The following EXTL3 variants were observed in gnomAD, a reference collection of about 807,000 sequenced individuals.
The protein encoded by EXTL3 is exostosin like glycosyltransferase 3.
In EXTL3, 27 loss-of-function variants were observed where a neutral mutation model predicts 69.3. The ratio of observed to expected loss-of-function variants is 0.39; its 90% CI spans 0.29 to 0.54. The LOEUF is 0.54. EXTL3 is among the 20% of genes least tolerant of loss of function. The pLI is 0.69. For synonymous variants in EXTL3, 511 were observed against 499.4 expected, an observed-to-expected ratio of 1.02 and a Z score of -0.31; for missense variants, 1,003 against 1,231.8, an observed-to-expected ratio of 0.81 and a Z score of 2.78.
Position 28,680,052 on chromosome 8 carries a change from C to CT in EXTL3, c.-52-33394dup, listed in dbSNP as rs557230863. Among the ~76,000 whole-genome samples the CT allele has an allele frequency of 5.8e-3, 828 of 143,580 alleles. 12 individuals carry two copies. Among genetic ancestry groups the CT allele is most frequent in the African/African-American group, 0.018 (707 of 39,386 alleles). The allele number at this position is 143,580 out of a possible 152,430, so 94.2% of individuals were successfully genotyped here. On this transcript the variant is annotated intron_variant, in intron 1 of 6. Transcript: ENST00000523149. ...AGCAAGCTAGAATTTAATATTTGTG[C>CT]TTTTTTTTTTTCCGGTGTAAGACAA...
intron 5 of EXTL3, chr8:28,742,658 G>C (rs989224608): frequency 3.2e-6 from 1 of 310,406 alleles, no homozygotes; most frequent in Non-Finnish European, 6.2e-6. Context: ...GAGGCAGTGA[G>C]GGATCGTGTG....
At chr8:28,609,989 C>T (rs971018319) in intron 2 of EXTL3, among the ~76,000 whole-genome samples, 11 of 151,200 alleles carry the variant, frequency 7.3e-5, no homozygotes, top group East Asian at 1.9e-4. Flanking sequence ...GGATCACCTG[C>T]GGTCAGGAGT....
At chr8:28,709,240 G>A (rs920360804) in intron 1 of EXTL3, among the ~76,000 whole-genome samples, 1 of 152,202 alleles carries the variant, frequency 6.6e-6, no homozygotes, top group Non-Finnish European at 1.5e-5. Context: ...CCCACTTCAC[G>A]GGATTGCTGT....
At chr8:28,665,486 A>T (rs1290328021) in intron 1 of EXTL3, among the ~76,000 whole-genome samples, 1 of 140,792 alleles carries the variant, frequency 7.1e-6, no homozygotes, top group Non-Finnish European at 1.5e-5. Flanking sequence ...GTCATGGCTC[A>T]CTACAGCCTC....
chr8:28,721,325 A>T (rs532998818), intron 3 of EXTL3, among the ~76,000 whole-genome samples: 17 of 152,320 alleles, frequency 1.1e-4, no homozygotes, highest in African/African-American at 3.8e-4. Flanking sequence ...AGCAGTTTCT[A>T]CGCAGAACTT....
intron 1 of EXTL3, among the ~76,000 whole-genome samples, chr8:28,706,872 T>A (rs1721630940): frequency 6.6e-6 from 1 of 152,190 alleles, no homozygotes; most frequent in Non-Finnish European, 1.5e-5. Flanking sequence ...ATAGAATCAT[T>A]TGATTCTTAT....
chr8:28,648,946 T>C (rs1251086697), intron 1 of EXTL3, among the ~76,000 whole-genome samples: 1 of 152,064 alleles, frequency 6.6e-6, no homozygotes, highest in Admixed American at 6.6e-5. Context: ...CAGGCTGGAG[T>C]GCAGTGGTGC....
chr8:28,644,517 A>T (rs983114157), intron 1 of EXTL3, among the ~76,000 whole-genome samples: 1 of 151,970 alleles, frequency 6.6e-6, no homozygotes, highest in Admixed American at 6.6e-5. Context: ...TGGTCAAGAG[A>T]GTGAGACCCC....
chr8:28,715,723 G>GA lies in EXTL3; in HGVS notation c.-337_-336insA. 3.0e-6 allele frequency: 1 copy of GA among 337,834 alleles called. No individual in the cohort carries two copies. The highest frequency in any genetic ancestry group is 5.5e-6 in the Non-Finnish European group (1 of 182,310). 20.9% of individuals were successfully genotyped at this position (337,834 alleles called of 1,614,324 possible). A position where few individuals can be genotyped will look rare whatever the true frequency, so the allele number is the denominator to read the frequency against. On this transcript the variant is annotated 5_prime_UTR_variant, in exon 3 of 7. An upstream open reading frame in the 5' UTR gains an earlier in-frame stop. Coordinates refer to ENST00000220562, the MANE Select transcript of EXTL3 (RefSeq NM_001440.4). ...AACAAGAGCTATGGCATTTGAAAAA[G>GA]TCTGTCTGATTCCAGGGTGTTTTTC...
intron 1 of EXTL3, among the ~76,000 whole-genome samples, chr8:28,670,897 T>A (rs1467869073): frequency 6.6e-6 from 1 of 152,178 alleles, no homozygotes; most frequent in Non-Finnish European, 1.5e-5. Context: ...TCCCTTCAAC[T>A]GTCTGAAACA....
chr8:28,640,180 AT>A (rs1806720529), intron 1 of EXTL3, among the ~76,000 whole-genome samples: 1 of 152,204 alleles, frequency 6.6e-6, no homozygotes, highest in Non-Finnish European at 1.5e-5. Flanking sequence ...ATTTTGTGAA[AT>A]ATCCCCAATA....
chr8:28,654,675 CTAT>C (rs1020054630), intron 1 of EXTL3, among the ~76,000 whole-genome samples: 3 of 152,194 alleles, frequency 2.0e-5, no homozygotes, highest in African/African-American at 4.8e-5. Context: ...ATACCATCTT[CTAT>C]TATTATATCC....
intron 1 of EXTL3, among the ~76,000 whole-genome samples, chr8:28,672,698 G>T (rs2130644895): frequency 6.6e-6 from 1 of 152,308 alleles, no homozygotes; most frequent in Non-Finnish European, 1.5e-5. Context: ...TCTGATGCAT[G>T]CCCATGTTTC....
At chr8:28,741,937 A>G (rs1191494798) in intron 5 of EXTL3, 1 of 152,230 alleles carries the variant, frequency 6.6e-6, no homozygotes. Flanking sequence ...TAATCAGTTT[A>G]ACTGGGCACC....
intron 6 of EXTL3, among the ~76,000 whole-genome samples, chr8:28,744,905 G>T (rs1272617917): frequency 6.6e-6 from 1 of 152,174 alleles, no homozygotes; most frequent in Admixed American, 6.5e-5. Context: ...AGAGATTGCA[G>T]TGAGCTGAGA....
At chr8:28,663,017 C>A (rs553294684) in intron 1 of EXTL3, among the ~76,000 whole-genome samples, 2 of 152,326 alleles carry the variant, frequency 1.3e-5, no homozygotes, top group South Asian at 2.1e-4. Flanking sequence ...TCAGTTAATT[C>A]TTTGAGCTCA....
At chr8:28,739,200 A>C (rs961926242) in intron 5 of EXTL3, among the ~76,000 whole-genome samples, 1 of 152,068 alleles carries the variant, frequency 6.6e-6, no homozygotes, top group Admixed American at 6.6e-5. Flanking sequence ...CTTCAGGTAA[A>C]CTTTTCCCAG....
At chr8:28,709,745 C>G (rs1027568737) in intron 1 of EXTL3, among the ~76,000 whole-genome samples, 1 of 152,160 alleles carries the variant, frequency 6.6e-6, no homozygotes. Flanking sequence ...CTCTTGAAAG[C>G]AAGGCCGTGA....
At chr8:28,698,514 G>A (rs887528989), upstream of EXTL3, 3 of 152,230 alleles carry the variant, frequency 2.0e-5, no homozygotes, top group Admixed American at 2.0e-4. Context: ...AAAGGGTTTA[G>A]CTTATTGCCT....
Sources: allele counts gnomAD v4.1 joint callset (sites outside exome capture counted in the v4.1 genomes callset), GRCh38; gene constraint gnomAD v4.1.1; transcripts MANE v1.5; gene names NCBI Gene and HGNC (gene_info 2026-07-23, HGNC 2026-07-21).